BSN: variants seen among roughly 807,000 people sequenced by gnomAD.
BSN encodes the protein protein bassoon.
A neutral mutation model predicts 264.8 loss-of-function variants in BSN; 57 were observed. That is an observed-to-expected ratio of 0.22 (90% CI 0.17 to 0.27). The LOEUF is 0.27. Ranked by LOEUF, BSN falls within the 10% of genes least tolerant of loss-of-function variation. The probability of loss-of-function intolerance (pLI) is 1.00; values close to 1 mark genes in which losing one functional copy is unlikely to be tolerated. For synonymous variants in BSN, 2,059 were observed against 2,137.3 expected, an observed-to-expected ratio of 0.96 and a Z score of 1.01; for missense variants, 4,615 against 5,232.5, an observed-to-expected ratio of 0.88 and a Z score of 3.64.
intron 2 of BSN, among the ~76,000 whole-genome samples, chr3:49,641,280 A>G (rs114432537): frequency 0.012 from 1,767 of 152,352 alleles, 38 homozygotes; most frequent in African/African-American, 0.039. Context: ...ATCTATGGAC[A>G]TCATTCTTAG....
intron 1 of BSN, among the ~76,000 whole-genome samples, chr3:49,578,754 A>G (rs528384175): frequency 1.3e-5 from 2 of 152,216 alleles, no homozygotes; most frequent in South Asian, 2.1e-4. Flanking sequence ...AAGAAACCCC[A>G]TACCCAAAAT....
intron 1 of BSN, among the ~76,000 whole-genome samples, chr3:49,593,578 G>A (rs576525534): frequency 6.6e-5 from 10 of 152,152 alleles, no homozygotes; most frequent in Admixed American, 2.0e-4. Flanking sequence ...TTTCATTTTA[G>A]TTATCATTAT....
rs1196287609 is a variant in BSN, at chr3:49,671,154, G to A, written c.*3669G>A. 1 of 50,880 alleles carries A rather than the reference G, an allele frequency of 2.0e-5. No individual in the cohort carries two copies. The highest frequency in any genetic ancestry group is 4.4e-5 in the Non-Finnish European group (1 of 22,490). 3.2% of individuals were successfully genotyped at this position (50,880 alleles called of 1,614,324 possible). Reference sequence around the variant, plus strand: ...ATCATGTGTGTATGTGCGTGCGTGCGTGCGTGTGTGTGTGTGTGTGTGTTT... The same window carrying A: ...ATCATGTGTGTATGTGCGTGCGTGCATGCGTGTGTGTGTGTGTGTGTGTTT... On this transcript the variant is annotated 3_prime_UTR_variant, in exon 12 of 12. Transcript: ENST00000296452. The surrounding 1 kb of genome is among the most constrained non-coding windows in gnomAD (Gnocchi z 4.1).
At chr3:49,672,673 G>A (rs932450688), downstream of BSN, among the ~76,000 whole-genome samples, 2 of 151,068 alleles carry the variant, frequency 1.3e-5, no homozygotes, top group South Asian at 4.2e-4. Context: ...TAGAGACAGG[G>A]TTTCTCCATG....
At chr3:49,574,168 A>C in intron 1 of BSN, among the ~76,000 whole-genome samples, 1 of 131,874 alleles carries the variant, frequency 7.6e-6, no homozygotes, top group East Asian at 2.2e-4. Context: ...GGGTTTCGCC[A>C]TGTTGCCCAG....
intron 1 of BSN, among the ~76,000 whole-genome samples, chr3:49,590,871 C>T (rs1345530016): frequency 6.6e-6 from 1 of 151,714 alleles, no homozygotes; most frequent in African/African-American, 2.4e-5. Context: ...TTTGGGAGGC[C>T]GAGGTGGGTG....
rs2108095645 is a variant in BSN, at chr3:49,661,779, G to A, written c.9934G>A (p.Gly3312Ser). ...GGHLRSMESN[G>S]RPASTHYYGD... The stretch of plus-strand genomic sequence containing the variant: ...CCACCTCCGGAGCATGGAGAGCAAT[G>A]GTCGACCAGCCAGTACCCACTACTA... The change falls in exon 6 of 12, where the codon GGT (glycine) becomes AGT (serine). Residue 3312 changes from glycine (G) to serine (S), a missense_variant. Gly to Ser is a moderately conservative substitution (Grantham distance 56, BLOSUM62 0). Around this residue, in one of 3 missense-constraint regions of BSN, gnomAD observed 3,415 missense variants for 3,866.4 expected, o/e 0.88. Coordinates refer to ENST00000296452, the MANE Select transcript of BSN (RefSeq NM_003458.4). 5 of 1,613,372 alleles carry A rather than the reference G, an allele frequency of 3.1e-6. No homozygotes were observed. The highest frequency in any genetic ancestry group is 4.2e-6 in the Non-Finnish European group (5 of 1,180,040).
chr3:49,661,388 T>C lies in BSN; in HGVS notation c.9543T>C (p.Ser3181=). The C allele has an allele frequency of 6.2e-7, 1 of 1,613,968 alleles. No homozygotes were observed. ...CAGCCCCATCTGAAACCAGCTACAG[T>C]GGCCCAGCAGTGAGCAGCGGCTATG... ...MSSAPSETSY[S]GPAVSSGYEQ... Residue 3181 remains serine, a synonymous_variant, in exon 6 of 12, where the codon AGT becomes AGC. Coordinates refer to ENST00000296452, the MANE Select transcript of BSN (RefSeq NM_003458.4).
At chr3:49,607,851 C>CG (rs2052171247) in intron 1 of BSN, among the ~76,000 whole-genome samples, 1 of 152,214 alleles carries the variant, frequency 6.6e-6, no homozygotes, top group South Asian at 2.1e-4. Flanking sequence ...AGGGCCTCTT[C>CG]TCGTCAAGGG....
chr3:49,650,823 C>CCAAGGCCAGCCCTCTGCCCAG lies in BSN; in HGVS notation c.1743_1763dup (p.Leu582_Pro588dup). Reference sequence around the variant, plus strand: ...CCTGCCAAGGCCAGCCCTCTATCCACCAAGGCCAGCCCTCTGCCCAGCAAG... The same window carrying CCAAGGCCAGCCCTCTGCCCAG: ...CCTGCCAAGGCCAGCCCTCTATCCACCAAGGCCAGCCCTCTGCCCAGCAAGGCCAGCCCTCTGCCCAGCAAG... On this transcript the variant is annotated inframe_insertion, in exon 4 of 12. Coordinates refer to ENST00000296452, the MANE Select transcript of BSN (RefSeq NM_003458.4). 6.2e-7 allele frequency: 1 copy of CCAAGGCCAGCCCTCTGCCCAG among 1,614,084 alleles called. No individual in the cohort carries two copies.
In BSN at chr3:49,585,579, G is replaced by A. The variant is rs2051930632; in HGVS notation, c.224+30753G>A. ...CGGTCCGCCGCCGGTTTCCTTGGAAGTTAAATCTTGGAGGATTTGTCCACA... is the reference window on the plus strand; with the variant it reads ...CGGTCCGCCGCCGGTTTCCTTGGAAATTAAATCTTGGAGGATTTGTCCACA... On this transcript the variant is annotated intron_variant, in intron 1 of 11. Transcript: ENST00000296452. The surrounding 1 kb of genome is among the most constrained non-coding windows in gnomAD (Gnocchi z 4.7). 6.6e-6 allele frequency among the ~76,000 whole-genome samples: 1 copy of A among 152,224 alleles called. No homozygotes were observed. The highest frequency in any genetic ancestry group is 1.5e-5 in the Non-Finnish European group (1 of 68,036).
At chr3:49,576,427 CTTTTTTT>C (rs1164537220) in intron 1 of BSN, among the ~76,000 whole-genome samples, 3 of 140,708 alleles carry the variant, frequency 2.1e-5, no homozygotes, top group East Asian at 4.0e-4. Context: ...TTTCTTTTTT[CTTTTTTT>C]TTTTGAGACA....
chr3:49,574,221 G>C (rs888825163), intron 1 of BSN, among the ~76,000 whole-genome samples: 1 of 133,530 alleles, frequency 7.5e-6, no homozygotes, highest in African/African-American at 2.8e-5. Context: ...GCCTGCCTCA[G>C]CCTCCCAAAG....
At chr3:49,565,341 A>T (rs1575424633) in intron 1 of BSN, among the ~76,000 whole-genome samples, 1 of 95,084 alleles carries the variant, frequency 1.1e-5, no homozygotes. Context: ...TTTTTGAGAC[A>T]GAGTCTCGCT....
Position 49,653,026 on chromosome 3 carries a change from C to T in BSN, c.3470C>T (p.Thr1157Ile). Residue 1157 changes from threonine to isoleucine, a missense_variant, in exon 5 of 12, where the codon ACC becomes ATC. Coordinates refer to ENST00000296452, the MANE Select transcript of BSN (RefSeq NM_003458.4). This position sits in a 1 kb window ranked among gnomAD's most constrained non-coding sequence, Gnocchi z 6.3. The part of the protein sequence containing the change: ...YKSGSEYNLP[T>I]FMSLYSPTET... ...TCAGGCAGTGAGTACAACCTGCCCA[C>T]CTTCATGTCCCTCTACTCACCAACC... 2 of 1,613,560 alleles carry T rather than the reference C, an allele frequency of 1.2e-6. No individual in the cohort carries two copies. The highest frequency in any genetic ancestry group is 1.1e-5 in the South Asian group (1 of 91,084).
intron 1 of BSN, among the ~76,000 whole-genome samples, chr3:49,577,019 C>T (rs569349427): frequency 2.0e-5 from 3 of 152,302 alleles, no homozygotes; most frequent in Admixed American, 2.0e-4. Flanking sequence ...TTTTCTAGTG[C>T]AGTCCATCTC....
At chr3:49,667,186 T>C (rs2052718771) in intron 11 of BSN, among the ~76,000 whole-genome samples, 1 of 152,102 alleles carries the variant, frequency 6.6e-6, no homozygotes, top group Non-Finnish European at 1.5e-5. Flanking sequence ...GGCTAATGAT[T>C]GGGTCAAGTG....
chr3:49,594,833 G>T (rs2052008849), intron 1 of BSN, among the ~76,000 whole-genome samples: 2 of 150,824 alleles, frequency 1.3e-5, no homozygotes, highest in Admixed American at 6.6e-5. Flanking sequence ...CATTTATTTA[G>T]TTTTTTTAAA....
chr3:49,611,954 C>T (rs2108046331), intron 1 of BSN, among the ~76,000 whole-genome samples: 1 of 152,308 alleles, frequency 6.6e-6, no homozygotes, highest in East Asian at 1.9e-4. Context: ...CATGGGCTCC[C>T]ACCTGTCCTA....
Sources: allele counts gnomAD v4.1 joint callset (sites outside exome capture counted in the v4.1 genomes callset), GRCh38; gene constraint gnomAD v4.1.1; regional missense constraint gnomAD v4.1.1; non-coding constraint Gnocchi (gnomAD v3.1); transcripts MANE v1.5; gene names NCBI Gene and HGNC (gene_info 2026-07-23, HGNC 2026-07-21).